MALRD1: variants seen among roughly 807,000 people sequenced by gnomAD.
The protein encoded by MALRD1 is MAM and LDL-receptor class A domain-containing protein 1.
Under a neutral mutation model 242.1 loss-of-function variants are expected in MALRD1, and 247 were observed. The ratio of observed to expected loss-of-function variants is 1.02; its 90% CI spans 0.92 to 1.13. The LOEUF is 1.13. MALRD1 is among the 50% of genes most tolerant of loss of function. The pLI is 0.00. For synonymous variants in MALRD1, 995 were observed against 866.6 expected (o/e 1.15, Z -2.60); for missense variants, 2,989 against 2,533.1 (o/e 1.18, Z -3.86).
At position 19,595,366 on chromosome 10, in the gene MALRD1, G is replaced by C; in HGVS notation, c.5853G>C (p.Glu1951Asp). ...CCCCTCCACTCTGTAGTAACATGGA[G>C]TTCCCGTGCTCTACAGACGAGTGTA... ...SPTPPLCSNM[E>D]FPCSTDECIP... The change falls in exon 34 of 40, where the codon GAG (glutamate) becomes GAC (aspartate). Residue 1951 changes from glutamate (E) to aspartate (D), a missense_variant. Coordinates refer to ENST00000454679, the MANE Select transcript of MALRD1 (RefSeq NM_001142308.3). 1 of 1,550,604 alleles carries C rather than the reference G, an allele frequency of 6.4e-7. No individual in the cohort carries two copies. Among genetic ancestry groups the C allele is most frequent in the Non-Finnish European group, 8.7e-7 (1 of 1,146,928 alleles).
At chr10:19,140,142 A>G (rs532997263) in intron 10 of MALRD1, among the ~76,000 whole-genome samples, 2 of 152,158 alleles carry the variant, frequency 1.3e-5, no homozygotes, top group Non-Finnish European at 2.9e-5. Context: ...AATATTCCCC[A>G]TTCATTTCCC....
At chr10:19,359,315 T>A (rs969792251) in intron 26 of MALRD1, among the ~76,000 whole-genome samples, 2 of 152,156 alleles carry the variant, frequency 1.3e-5, no homozygotes, top group Admixed American at 1.3e-4. Context: ...AATATCTGTA[T>A]TGGAAATACA....
intron 24 of MALRD1, among the ~76,000 whole-genome samples, chr10:19,333,591 C>A (rs909274351): frequency 2.0e-5 from 3 of 152,076 alleles, no homozygotes; most frequent in African/African-American, 7.2e-5. Flanking sequence ...TATTGTGAAT[C>A]GTGCTCCGAT....
chr10:19,353,118 C>T (rs996863426), intron 26 of MALRD1, among the ~76,000 whole-genome samples: 1 of 151,844 alleles, frequency 6.6e-6, no homozygotes, highest in Non-Finnish European at 1.5e-5. Context: ...TTGATCCTCC[C>T]GCCTCAGCCT....
intron 31 of MALRD1, among the ~76,000 whole-genome samples, chr10:19,512,030 A>G (rs1350365070): frequency 6.6e-6 from 1 of 152,024 alleles, no homozygotes; most frequent in Non-Finnish European, 1.5e-5. Flanking sequence ...GTTGAGAGAT[A>G]GGGAGCCAAG....
intron 36 of MALRD1, among the ~76,000 whole-genome samples, chr10:19,672,748 CAGTT>C (rs1254631734): frequency 6.6e-6 from 1 of 151,838 alleles, no homozygotes; most frequent in African/African-American, 2.4e-5. Flanking sequence ...TGAAACCTAT[CAGTT>C]AGCCTTCATC....
intron 31 of MALRD1, among the ~76,000 whole-genome samples, chr10:19,527,720 C>G (rs1038276238): frequency 1.3e-5 from 2 of 152,080 alleles, no homozygotes; most frequent in African/African-American, 4.8e-5. Flanking sequence ...TATTCACATC[C>G]AATATAGGAT....
chr10:19,574,759 A>G (rs1836725453), intron 33 of MALRD1, among the ~76,000 whole-genome samples: 1 of 152,112 alleles, frequency 6.6e-6, no homozygotes, highest in Non-Finnish European at 1.5e-5. Context: ...ATGATACTGG[A>G]TTTGGAGGAG....
At chr10:19,656,881 GCTTACAAGCA>G (rs1283652984) in intron 36 of MALRD1, among the ~76,000 whole-genome samples, 2 of 152,080 alleles carry the variant, frequency 1.3e-5, no homozygotes, top group Non-Finnish European at 2.9e-5. Flanking sequence ...TATTCACTCT[GCTTACAAGCA>G]CTTGCAGTTT....
intron 38 of MALRD1, among the ~76,000 whole-genome samples, chr10:19,707,566 G>A (rs1286795169): frequency 6.6e-6 from 1 of 152,190 alleles, no homozygotes; most frequent in Non-Finnish European, 1.5e-5. Context: ...AGTTAGATGA[G>A]AGATGATGAG....
intron 11 of MALRD1, among the ~76,000 whole-genome samples, chr10:19,151,715 A>T (rs1053995785): frequency 1.3e-5 from 2 of 152,116 alleles, no homozygotes; most frequent in Middle Eastern, 6.3e-3. Context: ...TGTGCTTTTT[A>T]AAAAAATTAA....
intron 14 of MALRD1, among the ~76,000 whole-genome samples, chr10:19,192,168 C>T (rs920846900): frequency 5.3e-5 from 8 of 151,990 alleles, no homozygotes; most frequent in African/African-American, 1.9e-4. Context: ...TGGTAGATTC[C>T]TGGGCCTGAG....
chr10:19,498,892 C>G (rs1002052916), intron 31 of MALRD1, among the ~76,000 whole-genome samples: 22 of 152,294 alleles, frequency 1.4e-4, no homozygotes, highest in Admixed American at 6.5e-4. Flanking sequence ...TTTACTCACT[C>G]TACCCTAAGG....
intron 33 of MALRD1, among the ~76,000 whole-genome samples, chr10:19,568,272 T>G (rs1343569965): frequency 6.6e-6 from 1 of 152,202 alleles, no homozygotes; most frequent in Non-Finnish European, 1.5e-5. Context: ...CCTTACTGAG[T>G]CTTCCATTTA....
At chr10:19,229,645 C>T (rs1344859593) in intron 18 of MALRD1, among the ~76,000 whole-genome samples, 1 of 152,090 alleles carries the variant, frequency 6.6e-6, no homozygotes, top group African/African-American at 2.4e-5. Flanking sequence ...ACCATTGCCC[C>T]CATTTTTTCT....
At chr10:19,292,250 G>A (rs950425320) in intron 21 of MALRD1, among the ~76,000 whole-genome samples, 7 of 151,658 alleles carry the variant, frequency 4.6e-5, no homozygotes, top group East Asian at 1.9e-4. Context: ...TTTTTCTGTC[G>A]TTTTTGCATA....
At chr10:19,332,398 T>C (rs1239457358) in intron 24 of MALRD1, among the ~76,000 whole-genome samples, 2 of 152,120 alleles carry the variant, frequency 1.3e-5, no homozygotes. Context: ...CTGTGTGATA[T>C]GGTTAAAGGA....
chr10:19,587,689 C>T (rs1365468618), intron 33 of MALRD1, among the ~76,000 whole-genome samples: 1 of 152,148 alleles, frequency 6.6e-6, no homozygotes, highest in African/African-American at 2.4e-5. Context: ...GAAACACCTA[C>T]AATATCAGGA....
chr10:19,342,565 A>C (rs1843934014), intron 24 of MALRD1, among the ~76,000 whole-genome samples: 1 of 152,168 alleles, frequency 6.6e-6, no homozygotes, highest in Non-Finnish European at 1.5e-5. Context: ...AAGATAATTT[A>C]GTCATATATA....
Sources: allele counts gnomAD v4.1 joint callset (sites outside exome capture counted in the v4.1 genomes callset), GRCh38; gene constraint gnomAD v4.1.1; transcripts MANE v1.5; gene names NCBI Gene and HGNC (gene_info 2026-07-23, HGNC 2026-07-21).